Variants in TSC22D1 observed in about 807,000 individuals in gnomAD.
TSC22D1 encodes the protein TSC22 domain family protein 1.
TSC22D1 carries 9 observed loss-of-function variants against 74.2 expected under a neutral mutation model. The observed-to-expected ratio is 0.12, with a 90% CI of 0.07 to 0.21. The LOEUF (loss-of-function observed/expected upper bound fraction) is 0.21, where lower values mean the gene tolerates loss of function less well. Ranked by LOEUF, TSC22D1 falls within the 10% of genes least tolerant of loss-of-function variation. The pLI, the probability that TSC22D1 is intolerant of heterozygous loss-of-function variation, is 1.00. For synonymous variants in TSC22D1, 586 were observed against 492.5 expected, an observed-to-expected ratio of 1.19 and a Z score of -2.51; for missense variants, 1,427 against 1,304.7, an observed-to-expected ratio of 1.09 and a Z score of -1.44.
At position 44,504,601 on chromosome 13, in the gene TSC22D1, CAAA is replaced by C. The variant is rs10577341; in HGVS notation, c.2913-68509_2913-68507del. Among the ~76,000 whole-genome samples the C allele has an allele frequency of 9.0e-3, 879 of 97,518 alleles. 4 individuals are homozygous for C. The highest frequency in any genetic ancestry group is 0.028 in the African/African-American group (697 of 25,060). 64.0% of individuals were successfully genotyped at this position (97,518 alleles called of 152,430 possible). A position where few individuals can be genotyped will look rare whatever the true frequency, so the allele number is the denominator to read the frequency against. On this transcript the variant is annotated intron_variant, in intron 1 of 2. Coordinates refer to ENST00000458659, the MANE Select transcript of TSC22D1 (RefSeq NM_183422.4). ...CCTGGGTGACAGAGGGAGACTGTCTCAAAAAAAAAAAAAAAAAAAAAATTTTCA... is the reference window on the plus strand; with the variant it reads ...CCTGGGTGACAGAGGGAGACTGTCTCAAAAAAAAAAAAAAAAAAATTTTCA...
rs116730164 is a variant in TSC22D1 at position 44,525,975 on chromosome 13, G to A, written c.2912+47188C>T. On this transcript the variant is annotated intron_variant, in intron 1 of 2. Coordinates refer to ENST00000458659, the MANE Select transcript of TSC22D1 (RefSeq NM_183422.4). Reference sequence around the variant, plus strand: ...AATTAGCCAGGTGTTGGTGGCTTGCGCCTGCAGTCCCAGCTCCTCACGAGG... The same window carrying A: ...AATTAGCCAGGTGTTGGTGGCTTGCACCTGCAGTCCCAGCTCCTCACGAGG... Among the ~76,000 whole-genome samples, 243 of 152,046 alleles carry A rather than the reference G, an allele frequency of 1.6e-3. 1 individual carries two copies. The highest frequency in any genetic ancestry group is 5.6e-3 in the African/African-American group (234 of 41,486).
In TSC22D1 at chr13:44,512,694, G is replaced by A. The variant is rs552069552; in HGVS notation, c.2912+60469C>T. On this transcript the variant is annotated intron_variant, in intron 1 of 2. Transcript: ENST00000458659. ...GTTTTTTGAGATGGAGTCTTGCTCT[G>A]TCACCAGTGCAGCGACGCGATCTCA... Among the ~76,000 whole-genome samples, 9 of 151,990 alleles carry A rather than the reference G, an allele frequency of 5.9e-5. No homozygotes were observed. In the South Asian group the frequency reaches 1.5e-3, roughly 25 times the overall value.
chr13:44,566,761 T>C (rs2138220975), intron 1 of TSC22D1, among the ~76,000 whole-genome samples: 1 of 151,914 alleles, frequency 6.6e-6, no homozygotes, highest in South Asian at 2.1e-4. Context: ...AGCAAAAAAA[T>C]TTGAAAGCTG....
chr13:44,574,363 A>T lies in TSC22D1; in HGVS notation c.1712T>A (p.Met571Lys). The change falls in exon 1 of 3, where the codon ATG (methionine) becomes AAG (lysine). Residue 571 changes from methionine to lysine, a missense_variant. Coordinates refer to ENST00000458659, the MANE Select transcript of TSC22D1 (RefSeq NM_183422.4). ...GLQPVPLQAT[M>K]SAATGIQPSP... The stretch of plus-strand genomic sequence containing the variant: ...TGGCTGGATACCAGTTGCAGCACTC[A>T]TAGTGGCTTGCAGAGGTACTGGCTG... 1 of 1,614,240 alleles carries T rather than the reference A, an allele frequency of 6.2e-7. No homozygotes were observed. Among genetic ancestry groups the T allele is most frequent in the Non-Finnish European group, 8.5e-7 (1 of 1,180,040 alleles).
At chr13:44,557,045 A>C (rs546771471) in intron 1 of TSC22D1, among the ~76,000 whole-genome samples, 1 of 152,076 alleles carries the variant, frequency 6.6e-6, no homozygotes, top group Non-Finnish European at 1.5e-5. Context: ...TGGGAGGCTG[A>C]GGCAGGAGAA....
chr13:44,521,566 G>A lies in TSC22D1; in HGVS notation c.2912+51597C>T, dbSNP rs539846995. Among the ~76,000 whole-genome samples, 4 of 152,166 alleles carry A rather than the reference G, an allele frequency of 2.6e-5. No individual in the cohort carries two copies. In the South Asian group the frequency reaches 8.3e-4, roughly 32 times the overall value. The stretch of plus-strand genomic sequence containing the variant: ...GTCAGTTTGGGGTCAGTGGTATAAA[G>A]GGGGTATATGTTGTGAACAAATGTT... On this transcript the variant is annotated intron_variant, in intron 1 of 2. Transcript: ENST00000458659.
intron 1 of TSC22D1, among the ~76,000 whole-genome samples, chr13:44,504,376 C>T (rs963540673): frequency 6.6e-6 from 1 of 151,934 alleles, no homozygotes; most frequent in Non-Finnish European, 1.5e-5. Context: ...CTTTGAGAGG[C>T]CAAGGCAAGA....
chr13:44,561,466 G>A (rs958031561), intron 1 of TSC22D1, among the ~76,000 whole-genome samples: 1 of 152,028 alleles, frequency 6.6e-6, no homozygotes, highest in Admixed American at 6.5e-5. Flanking sequence ...TACATTTAAG[G>A]CTTTTCAAAG....
In TSC22D1 at chr13:44,434,626, C is replaced by T. The variant is rs758698063; in HGVS notation, c.3222G>A (p.Ter1074=). The stretch of plus-strand genomic sequence containing the variant: ...GCCAGTTCTGCGGGGGCATAGGCAG[C>T]TATGCGGTTGGTCCTGAGCCCTGCG... ...PASQGSGPTA[*] Residue 1074 remains the stop codon, a stop_retained_variant, in exon 3 of 3, where the codon TAG becomes TAA. Coordinates refer to ENST00000458659, the MANE Select transcript of TSC22D1 (RefSeq NM_183422.4). 2 of 1,528,242 alleles carry T rather than the reference C, an allele frequency of 1.3e-6. No homozygotes were observed. Among genetic ancestry groups the T allele is most frequent in the East Asian group, 2.3e-5 (1 of 43,602 alleles). 94.7% of individuals were successfully genotyped at this position (1,528,242 alleles called of 1,614,324 possible). A position where few individuals can be genotyped will look rare whatever the true frequency, so the allele number is the denominator to read the frequency against.
At position 44,492,057 on chromosome 13, in the gene TSC22D1, A is replaced by G. The variant is rs553081379; in HGVS notation, c.2913-55962T>C. Among the ~76,000 whole-genome samples the G allele has an allele frequency of 2.0e-4, 31 of 152,336 alleles. 1 individual carries two copies. In the South Asian group the frequency reaches 4.2e-3, roughly 20 times the overall value. Reference sequence around the variant, plus strand: ...TGCCCATCAAGTAGAGAGCAGATCAATTGTGGTACATTCACGTCTAAGTTT... The same window carrying G: ...TGCCCATCAAGTAGAGAGCAGATCAGTTGTGGTACATTCACGTCTAAGTTT... On this transcript the variant is annotated intron_variant, in intron 1 of 2. Coordinates refer to ENST00000458659, the MANE Select transcript of TSC22D1 (RefSeq NM_183422.4).
chr13:44,436,184 G>C (rs1412973136), intron 1 of TSC22D1, 89 bp from the exon 2 acceptor site: 4 of 1,381,712 alleles, frequency 2.9e-6, no homozygotes, highest in Non-Finnish European at 4.0e-6. Context: ...TTGTGATATT[G>C]CTAGCATCAT....
chr13:44,434,204 G>C lies in TSC22D1; in HGVS notation c.*422C>G. On this transcript the variant is annotated 3_prime_UTR_variant, in exon 3 of 3. Coordinates refer to ENST00000458659, the MANE Select transcript of TSC22D1 (RefSeq NM_183422.4). Reference sequence around the variant, plus strand: ...CCTTTCAAGTTCCTCCTGGGGGGAGGAGAGGAGAGAGGCGAGTCCAGTGAG... The same window carrying C: ...CCTTTCAAGTTCCTCCTGGGGGGAGCAGAGGAGAGAGGCGAGTCCAGTGAG... 1.4e-6 allele frequency: 2 copies of C among 1,446,082 alleles called. No homozygotes were observed. The highest frequency in any genetic ancestry group is 1.8e-6 in the Non-Finnish European group (2 of 1,113,814). The allele number at this position is 1,446,082 out of a possible 1,614,324, so 89.6% of individuals were successfully genotyped here. A position where few individuals can be genotyped will look rare whatever the true frequency, so the allele number is the denominator to read the frequency against.
At chr13:44,558,599 G>C (rs1882841029) in intron 1 of TSC22D1, among the ~76,000 whole-genome samples, 1 of 152,086 alleles carries the variant, frequency 6.6e-6, no homozygotes, top group South Asian at 2.1e-4. Context: ...AATTAGCCGG[G>C]CATGGTGCCA....
rs938621059 is a variant in TSC22D1, at chr13:44,576,034, G to C, written c.41C>G (p.Ala14Gly). 6.3e-7 allele frequency: 1 copy of C among 1,578,286 alleles called. No individual in the cohort carries two copies. Among genetic ancestry groups the C allele is most frequent in the Non-Finnish European group, 8.6e-7 (1 of 1,163,204 alleles). ...PPESTAAAAAAADISARKMAH... is the reference protein window; with the variant it reads ...PPESTAAAAAGADISARKMAH... ...CATCTTCCTAGCGCTAATGTCTGCA[G>C]CGGCGGCGGCCGCGGCGGTGGACTC... The change falls in exon 1 of 3, where the codon GCT becomes GGT. Residue 14 changes from alanine to glycine, a missense_variant. Coordinates refer to ENST00000458659, the MANE Select transcript of TSC22D1 (RefSeq NM_183422.4).
chr13:44,490,668 C>A (rs1016538837), intron 1 of TSC22D1, among the ~76,000 whole-genome samples: 2 of 151,968 alleles, frequency 1.3e-5, no homozygotes, highest in African/African-American at 4.8e-5. Context: ...GAGACCGAGG[C>A]GGGCAGATCA....
chr13:44,454,737 C>A (rs1464888106), intron 1 of TSC22D1, among the ~76,000 whole-genome samples: 1 of 152,018 alleles, frequency 6.6e-6, no homozygotes, highest in African/African-American at 2.4e-5. Context: ...CATCTAGGTA[C>A]CATTATTATT....
rs531553527 is a variant in TSC22D1 at position 44,456,641 on chromosome 13, G to A, written c.2913-20546C>T. On this transcript the variant is annotated intron_variant, in intron 1 of 2. Coordinates refer to ENST00000458659, the MANE Select transcript of TSC22D1 (RefSeq NM_183422.4). Reference sequence around the variant, plus strand: ...ACACTCAGTCAAAAGGAACCTAGAGGAAACAGAGACAGTGTAGGGAACTGA... The same window carrying A: ...ACACTCAGTCAAAAGGAACCTAGAGAAAACAGAGACAGTGTAGGGAACTGA... Among the ~76,000 whole-genome samples the A allele has an allele frequency of 4.6e-5, 7 of 152,290 alleles. No homozygotes were observed. In the South Asian group the frequency reaches 1.4e-3, roughly 32 times the overall value.
chr13:44,505,020 A>G (rs1440505922), intron 1 of TSC22D1, among the ~76,000 whole-genome samples: 2 of 152,176 alleles, frequency 1.3e-5, no homozygotes, highest in Non-Finnish European at 2.9e-5. Flanking sequence ...ATTGCAGGCA[A>G]ATTTTTGCCT....
rs1874423196 is a variant in TSC22D1, at chr13:44,434,985, A to T, written c.2965-102T>A. On this transcript the variant is annotated intron_variant, in intron 2 of 2. Transcript: ENST00000458659. ...TACATGGATCTCCCTAACTATTTAC[A>T]TATTCCACCTTTAAAGTTGGTTCAA... is the stretch of plus-strand genomic sequence containing the variant. 16 of 1,012,750 alleles carry T rather than the reference A, an allele frequency of 1.6e-5. No homozygotes were observed. In the South Asian group the frequency reaches 2.5e-4, roughly 16 times the overall value. 62.7% of individuals were successfully genotyped at this position (1,012,750 alleles called of 1,614,324 possible). A position where few individuals can be genotyped will look rare whatever the true frequency, so the allele number is the denominator to read the frequency against.
Sources: gnomAD v4.1 joint callset for allele counts (sites outside exome capture counted in the v4.1 genomes callset) on GRCh38, gnomAD v4.1.1 for gene constraint, MANE v1.5 for transcripts, NCBI Gene and HGNC (gene_info 2026-07-23, HGNC 2026-07-21) for gene names.